Variants in IL31RA observed in about 807,000 individuals in gnomAD.
IL31RA encodes interleukin-31 receptor subunit alpha.
IL31RA carries 66 observed loss-of-function variants against 83.7 expected under a neutral mutation model. The ratio of observed to expected loss-of-function variants is 0.79; its 90% CI spans 0.65 to 0.97. The LOEUF is 0.97. Ranked by LOEUF, IL31RA falls within the 50% of genes least tolerant of loss-of-function variation. The pLI is 0.00. For synonymous variants in IL31RA, 325 were observed against 329.0 expected (o/e 0.99, Z 0.13); for missense variants, 798 against 919.4 (o/e 0.87, Z 1.71).
At chr5:55,852,157 A>G (rs1745104198) in intron 1 of IL31RA, 1 of 151,914 alleles carries the variant, frequency 6.6e-6, no homozygotes, top group Admixed American at 6.6e-5. Flanking sequence ...TTATAATGGA[A>G]TTTTATTTTA....
At chr5:55,867,285 G>A (rs1450798487) in intron 2 of IL31RA, among the ~76,000 whole-genome samples, 1 of 108,670 alleles carries the variant, frequency 9.2e-6, no homozygotes, top group East Asian at 2.1e-4. Flanking sequence ...GTGCATGTGT[G>A]TGTGCATGTG....
chr5:55,879,715 C>G (rs890551781), intron 4 of IL31RA, among the ~76,000 whole-genome samples: 3 of 148,308 alleles, frequency 2.0e-5, no homozygotes, highest in African/African-American at 7.5e-5. Flanking sequence ...CAGGCATGAG[C>G]CTCCAAGCCC....
chr5:55,843,097 G>C, the IL31RA span, among the ~76,000 whole-genome samples: 1 of 152,158 alleles, frequency 6.6e-6, no homozygotes, highest in Non-Finnish European at 1.5e-5. Flanking sequence ...CACACATGGG[G>C]ATCCACTTTA....
upstream of IL31RA, among the ~76,000 whole-genome samples, chr5:55,850,608 T>C (rs1452297261): frequency 2.0e-5 from 3 of 152,184 alleles, no homozygotes; most frequent in East Asian, 3.8e-4. Flanking sequence ...TCAAGTTTTT[T>C]CCCCCCATCT....
chr5:55,872,535 G>A, intron 4 of IL31RA, 84 bp downstream of exon 4: 1 of 944,390 alleles, frequency 1.1e-6, no homozygotes, highest in South Asian at 1.4e-5. Context: ...GGACTCAAAA[G>A]TAGGCTCATC....
At chr5:55,906,401 G>A in intron 9 of IL31RA, 113 bp downstream of exon 9, 2 of 1,013,754 alleles carry the variant, frequency 2.0e-6, no homozygotes. Flanking sequence ...AATAGCATTT[G>A]TCAAGCTTGT....
chr5:55,860,365 T>G lies in IL31RA; in HGVS notation c.154+766T>G, dbSNP rs547381500. 4.6e-4 allele frequency among the ~76,000 whole-genome samples: 7 copies of G among 15,224 alleles called. No individual in the cohort carries two copies. In the South Asian group the frequency reaches 0.029, roughly 64 times the overall value. 10.0% of individuals were successfully genotyped at this position (15,224 alleles called of 152,430 possible). On this transcript the variant is annotated intron_variant, in intron 2 of 14. Coordinates refer to ENST00000652347, the MANE Select transcript of IL31RA (RefSeq NM_139017.7). Reference sequence around the variant, plus strand: ...GCCTGGGCCAGAGCAAGACCTTGTCTCAAAAAAAAAAAAAATGTTATGTGA... The same window carrying G: ...GCCTGGGCCAGAGCAAGACCTTGTCGCAAAAAAAAAAAAAATGTTATGTGA...
intron 8 of IL31RA, among the ~76,000 whole-genome samples, chr5:55,900,762 T>C (rs906580642): frequency 2.0e-5 from 3 of 152,242 alleles, no homozygotes; most frequent in African/African-American, 7.2e-5. Flanking sequence ...TTTTCTCTCT[T>C]ATTTTTCTCT....
At chr5:55,866,015 G>A (rs1284066308) in intron 2 of IL31RA, among the ~76,000 whole-genome samples, 5 of 152,184 alleles carry the variant, frequency 3.3e-5, no homozygotes, top group Admixed American at 6.5e-5. Context: ...CTTTGCCTGT[G>A]CTTTGGGCCA....
intron 6 of IL31RA, among the ~76,000 whole-genome samples, chr5:55,890,571 T>C (rs113051131): frequency 0.081 from 12,384 of 152,130 alleles, 908 homozygotes; most frequent in African/African-American, 0.19. Flanking sequence ...GATATCACCA[T>C]GTTGGCTAGG....
chr5:55,884,199 G>A (rs1242656731), intron 5 of IL31RA, among the ~76,000 whole-genome samples: 4 of 152,018 alleles, frequency 2.6e-5, no homozygotes, highest in South Asian at 2.1e-4. Context: ...TATTTGTTAC[G>A]TGTATTGCAA....
Position 55,868,813 on chromosome 5 carries a change from C to A in IL31RA, c.177C>A (p.Asn59Lys). Residue 59 changes from asparagine (N) to lysine (K), a missense_variant, in exon 3 of 15, where the codon AAC becomes AAA. Transcript: ENST00000652347. ...TAGCTCTGCCAGCTAAGCCTGAGAA[C>A]ATTTCCTGTGTCTACTACTATAGGA... Reference protein sequence around the residue: ...SLAALPAKPENISCVYYYRKN... With the variant: ...SLAALPAKPEKISCVYYYRKN... The A allele has an allele frequency of 6.2e-7, 1 of 1,606,410 alleles. No individual in the cohort carries two copies. Among genetic ancestry groups the A allele is most frequent in the East Asian group, 2.2e-5 (1 of 44,834 alleles).
intron 12 of IL31RA, among the ~76,000 whole-genome samples, chr5:55,913,011 C>T (rs900928488): frequency 2.0e-5 from 3 of 152,106 alleles, no homozygotes; most frequent in Admixed American, 1.3e-4. Flanking sequence ...AATAAGTATT[C>T]ACTGAATGAA....
chr5:55,916,896 G>GT lies in IL31RA; in HGVS notation c.2074dup (p.Ser692PhefsTer3), dbSNP rs766859944. The GT allele has an allele frequency of 6.2e-7, 1 of 1,614,132 alleles. No homozygotes were observed. Among genetic ancestry groups the GT allele is most frequent in the Non-Finnish European group, 8.5e-7 (1 of 1,179,976 alleles). On this transcript the variant is annotated frameshift_variant, in exon 15 of 15. Transcript: ENST00000652347. LOFTEE classifies it low-confidence loss of function (END_TRUNC). ...GGGGAAAAGTTTTGAGGAGCTCCCA[G>GT]TTTCACCTGAGATTCCGCCCAGAAA...
chr5:55,870,921 G>A (rs1561546097), intron 3 of IL31RA, among the ~76,000 whole-genome samples: 1 of 152,196 alleles, frequency 6.6e-6, no homozygotes, highest in Non-Finnish European at 1.5e-5. Flanking sequence ...TAGAGGTGTG[G>A]AAAAGGAGAG....
rs1749432115 is a variant in IL31RA, at chr5:55,910,459, AT to A, written c.1502-69del. The A allele has an allele frequency of 3.2e-6, 5 of 1,560,068 alleles. No homozygotes were observed. In the Admixed American group the frequency reaches 8.4e-5, roughly 26 times the overall value. ...TGGAAGCACAGGTTCCAATGCTCTTATTTTGGTGCTACTGGGACACAATTTT... is the reference window on the plus strand; with the variant it reads ...TGGAAGCACAGGTTCCAATGCTCTTATTTGGTGCTACTGGGACACAATTTT... On this transcript the variant is annotated intron_variant, in intron 11 of 14. Transcript: ENST00000652347.
intron 2 of IL31RA, among the ~76,000 whole-genome samples, chr5:55,860,260 T>C (rs935159498): frequency 6.6e-6 from 1 of 151,976 alleles, no homozygotes; most frequent in Non-Finnish European, 1.5e-5. Context: ...TCCCAGCTAC[T>C]TGGGAGGCTG....
upstream of IL31RA, among the ~76,000 whole-genome samples, chr5:55,847,248 T>TAAAA (rs1419034770): frequency 2.3e-3 from 77 of 33,466 alleles, 1 homozygote; most frequent in African/African-American, 7.8e-3. Context: ...AAAATAAAAA[T>TAAAA]AAATAAATAA....
rs565388928 is a variant in IL31RA at position 55,859,088 on chromosome 5, A to G, written c.64-421A>G. ...ATTAATTTGTCAGAAATAAGGGGAA[A>G]GGAGCACTGTGGGCATGCATAGAGC... is the stretch of plus-strand genomic sequence containing the variant. On this transcript the variant is annotated intron_variant, in intron 1 of 14. Transcript: ENST00000652347. Among the ~76,000 whole-genome samples, 128 of 152,328 alleles carry G rather than the reference A, an allele frequency of 8.4e-4. 1 individual carries two copies. The South Asian group carries it at 0.026, about 31-fold the overall frequency.
Sources: allele counts gnomAD v4.1 joint callset (sites outside exome capture counted in the v4.1 genomes callset), GRCh38; gene constraint gnomAD v4.1.1; transcripts MANE v1.5; gene names NCBI Gene and HGNC (gene_info 2026-07-23, HGNC 2026-07-21).